Variants in SLMAP observed in about 807,000 individuals in gnomAD.
SLMAP encodes the protein sarcolemma associated protein, also known as sarcolemmal membrane-associated protein.
A neutral mutation model predicts 128.8 loss-of-function variants in SLMAP; 44 were observed. The observed-to-expected ratio is 0.34, with a 90% CI of 0.27 to 0.44. The LOEUF (loss-of-function observed/expected upper bound fraction) is 0.44. Ranked by LOEUF, SLMAP falls within the 20% of genes least tolerant of loss-of-function variation. The probability of loss-of-function intolerance (pLI) is 1.00; values close to 1 mark genes in which losing one functional copy is unlikely to be tolerated. For missense variants in SLMAP, 787 were observed against 985.3 expected, an observed-to-expected ratio of 0.80 and a Z score of 2.69; for synonymous variants, 327 against 348.8, an observed-to-expected ratio of 0.94 and a Z score of 0.70.
intron 2 of SLMAP, among the ~76,000 whole-genome samples, chr3:57,774,204 T>C (rs1047030952): frequency 5.9e-5 from 9 of 152,208 alleles, no homozygotes; most frequent in African/African-American, 9.6e-5. Context: ...AGGCAGAGTT[T>C]TAAGATGAGC....
intron 6 of SLMAP, among the ~76,000 whole-genome samples, chr3:57,852,126 G>T (rs1361697984): frequency 6.6e-6 from 1 of 151,874 alleles, no homozygotes; most frequent in Non-Finnish European, 1.5e-5. Flanking sequence ...TAGCCAGGAT[G>T]GTCTCCAATC....
At chr3:57,874,381 T>G (rs1191731539) in intron 14 of SLMAP, among the ~76,000 whole-genome samples, 2 of 152,200 alleles carry the variant, frequency 1.3e-5, no homozygotes, top group Non-Finnish European at 2.9e-5. Context: ...TGAGAGCAGA[T>G]AATTATCAAA....
At chr3:57,843,704 TTTTC>T (rs144551713) in intron 4 of SLMAP, among the ~76,000 whole-genome samples, 43,781 of 146,784 alleles carry the variant, frequency 0.3, 6,933 homozygotes, top group East Asian at 0.46. Context: ...CCTTCCTTCC[TTTTC>T]TTTCTTTCTT....
At chr3:57,821,209 T>C (rs1376554596) in intron 2 of SLMAP, among the ~76,000 whole-genome samples, 2 of 152,252 alleles carry the variant, frequency 1.3e-5, no homozygotes, top group Non-Finnish European at 2.9e-5. Flanking sequence ...TAGAGACTTA[T>C]CTCAGTTCCC....
chr3:57,843,441 G>A (rs2094061608), intron 4 of SLMAP, among the ~76,000 whole-genome samples: 1 of 150,768 alleles, frequency 6.6e-6, no homozygotes, highest in African/African-American at 2.4e-5. Flanking sequence ...GAGCAGCTGG[G>A]ACTACAGGTG....
chr3:57,888,653 A>G (rs1034141636), intron 14 of SLMAP, among the ~76,000 whole-genome samples: 21 of 152,132 alleles, frequency 1.4e-4, no homozygotes, highest in African/African-American at 4.1e-4. Flanking sequence ...ACAAAATGCA[A>G]CTCTTGAGGA....
intron 2 of SLMAP, among the ~76,000 whole-genome samples, chr3:57,802,066 G>T (rs569742337): frequency 6.6e-6 from 1 of 151,998 alleles, no homozygotes; most frequent in African/African-American, 2.4e-5. Flanking sequence ...CAGCTTTATT[G>T]AGATATAATT....
At chr3:57,780,215 C>T (rs1162930023) in intron 2 of SLMAP, among the ~76,000 whole-genome samples, 1 of 151,346 alleles carries the variant, frequency 6.6e-6, no homozygotes, top group Non-Finnish European at 1.5e-5. Context: ...GGCATGATCA[C>T]TGCTCACTGC....
Position 57,757,774 on chromosome 3 carries a change from G to A in SLMAP, c.123G>A (p.Gln41=). The change falls in exon 2 of 25, where the codon CAG becomes CAA. Residue 41 remains glutamine, a synonymous_variant. Transcript: ENST00000671191. The part of the protein sequence containing the change: ...GRSVARCRPA[Q]NNATFDCKVL... ...CAGTGGCCCGCTGTCGACCAGCGCA[G>A]AATAATGCCACTTTTGATTGCAAAG... The A allele has an allele frequency of 6.2e-7, 1 of 1,614,230 alleles. No homozygotes were observed. The highest frequency in any genetic ancestry group is 1.1e-5 in the South Asian group (1 of 91,082).
Position 57,865,328 on chromosome 3 carries a change from A to G in SLMAP, c.1237+36A>G, listed in dbSNP as rs143301410. The G allele has an allele frequency of 7.5e-3, 6,646 of 884,878 alleles. 119 individuals carry two copies. The highest frequency in any genetic ancestry group is 0.063 in the Admixed American group (2,496 of 39,800). The allele number at this position is 884,878 out of a possible 1,614,324, so 54.8% of individuals were successfully genotyped here. A position where few individuals can be genotyped will look rare whatever the true frequency, so the allele number is the denominator to read the frequency against. On this transcript the variant is annotated intron_variant, in intron 13 of 24. Transcript: ENST00000671191. ...AAACTTAAATATATATATACTTTTT[A>G]TGATATCATTTTAGTATTTAAGCAG...
At chr3:57,794,544 T>C (rs2086262369) in intron 2 of SLMAP, among the ~76,000 whole-genome samples, 2 of 152,170 alleles carry the variant, frequency 1.3e-5, no homozygotes, top group South Asian at 4.1e-4. Context: ...TAGAACATTT[T>C]CATCACTCCC....
At chr3:57,925,820 T>TTTTAATA in intron 23 of SLMAP, 25 bp from the exon 24 acceptor site, 1 of 1,509,602 alleles carries the variant, frequency 6.6e-7, no homozygotes. Context: ...CATAAAATGA[T>TTTTAATA]TTTAATATGC....
At chr3:57,843,381 G>T (rs899096315) in intron 4 of SLMAP, among the ~76,000 whole-genome samples, 3 of 125,426 alleles carry the variant, frequency 2.4e-5, no homozygotes, top group Non-Finnish European at 3.1e-5. Flanking sequence ...ATCTCGGCTT[G>T]CTGCAACTCC....
intron 2 of SLMAP, among the ~76,000 whole-genome samples, chr3:57,794,347 T>A (rs7616075): frequency 0.018 from 2,778 of 152,318 alleles, 74 homozygotes; most frequent in African/African-American, 0.063. Flanking sequence ...GCTTTTACTG[T>A]CCTGAGTCTC....
chr3:57,828,915 G>A (rs1407431080), intron 2 of SLMAP, among the ~76,000 whole-genome samples: 5 of 152,074 alleles, frequency 3.3e-5, no homozygotes, highest in Admixed American at 3.3e-4. Context: ...CGAGTAGTTG[G>A]GACTACAGGC....
At chr3:57,761,673 T>G (rs1471409802) in intron 2 of SLMAP, among the ~76,000 whole-genome samples, 1 of 152,160 alleles carries the variant, frequency 6.6e-6, no homozygotes, top group African/African-American at 2.4e-5. Flanking sequence ...GGTCGACAAT[T>G]GGGGTAATAT....
chr3:57,874,580 G>A (rs1156977437), intron 14 of SLMAP, among the ~76,000 whole-genome samples: 2 of 149,586 alleles, frequency 1.3e-5, no homozygotes, highest in Admixed American at 1.3e-4. Context: ...AAAAAAAAAA[G>A]CCAGTGAGGT....
intron 6 of SLMAP, among the ~76,000 whole-genome samples, chr3:57,854,691 A>G (rs2094685379): frequency 6.6e-6 from 1 of 152,238 alleles, no homozygotes; most frequent in Non-Finnish European, 1.5e-5. Flanking sequence ...TACTTGTGCA[A>G]TTAAGCCATT....
intron 17 of SLMAP, chr3:57,897,253 G>A (rs189683578): frequency 3.9e-6 from 2 of 506,402 alleles, no homozygotes; most frequent in Non-Finnish European, 6.0e-6. Flanking sequence ...AGAATAAGGT[G>A]AAAATCTTAA....
Sources: gnomAD v4.1 joint callset for allele counts (sites outside exome capture counted in the v4.1 genomes callset) on GRCh38, gnomAD v4.1.1 for gene constraint, MANE v1.5 for transcripts, NCBI Gene and HGNC (gene_info 2026-07-23, HGNC 2026-07-21) for gene names.